Variants in THSD7B observed in about 807,000 individuals in gnomAD.
The protein encoded by THSD7B is thrombospondin type-1 domain-containing protein 7B.
In THSD7B, 138 loss-of-function variants were observed where a neutral mutation model predicts 213.6. The ratio of observed to expected loss-of-function variants is 0.65; its 90% confidence interval spans 0.56 to 0.74. THSD7B has a LOEUF of 0.74. Ranked by LOEUF, THSD7B falls within the 30% of genes least tolerant of loss-of-function variation. The pLI, the probability that THSD7B is intolerant of heterozygous loss-of-function variation, is 0.00. For synonymous variants in THSD7B, 742 were observed against 687.0 expected, an observed-to-expected ratio of 1.08 and a Z score of -1.25; for missense variants, 1,931 against 1,991.5, an observed-to-expected ratio of 0.97 and a Z score of 0.58.
At chr2:137,065,714 C>T (rs1205599723) in intron 3 of THSD7B, among the ~76,000 whole-genome samples, 2 of 151,810 alleles carry the variant, frequency 1.3e-5, no homozygotes, top group Non-Finnish European at 1.5e-5. Context: ...ATATCTTAAA[C>T]ATTTTTTATG....
rs1316443568 is a variant in THSD7B, at chr2:137,488,003, T to G, written c.3138+36980T>G. 2.3e-4 allele frequency among the ~76,000 whole-genome samples: 3 copies of G among 12,886 alleles called. 1 individual carries two copies. The highest frequency in any genetic ancestry group is 4.7e-4 in the African/African-American group (3 of 6,392). 8.5% of individuals were successfully genotyped at this position (12,886 alleles called of 152,430 possible). On this transcript the variant is annotated intron_variant, in intron 15 of 27. Transcript: ENST00000409968. The stretch of plus-strand genomic sequence containing the variant: ...TGGTCTCGATCTCCTGACCTCGTGA[T>G]CCGCCCGCCTCGGCCTCCCAAAGTG...
intron 10 of THSD7B, among the ~76,000 whole-genome samples, chr2:137,263,618 T>C (rs983924058): frequency 2.8e-4 from 43 of 152,320 alleles, no homozygotes; most frequent in Admixed American, 9.8e-4. Flanking sequence ...ATCCTGAAGC[T>C]TATTTTTAAC....
intron 5 of THSD7B, among the ~76,000 whole-genome samples, chr2:137,144,311 A>G (rs1679648598): frequency 1.3e-5 from 2 of 152,120 alleles, no homozygotes; most frequent in African/African-American, 4.8e-5. Flanking sequence ...TCAAATATAC[A>G]TCAAATTGTT....
At chr2:137,622,758 A>G (rs892557684) in intron 20 of THSD7B, among the ~76,000 whole-genome samples, 2 of 152,128 alleles carry the variant, frequency 1.3e-5, no homozygotes, top group Non-Finnish European at 2.9e-5. Context: ...GGATACATAC[A>G]CCCTCCCAAA....
At chr2:137,650,425 T>C (rs1008312792) in intron 21 of THSD7B, among the ~76,000 whole-genome samples, 1 of 152,214 alleles carries the variant, frequency 6.6e-6, no homozygotes, top group Non-Finnish European at 1.5e-5. Context: ...TTCTGTATGT[T>C]GATTTTATGT....
At chr2:137,113,585 T>C (rs879769574) in intron 4 of THSD7B, among the ~76,000 whole-genome samples, 1 of 152,122 alleles carries the variant, frequency 6.6e-6, no homozygotes, top group Middle Eastern at 3.4e-3. Context: ...TACAGGCATG[T>C]GCCACCACAT....
chr2:137,170,936 G>A lies in THSD7B; in HGVS notation c.1721G>A (p.Arg574His), dbSNP rs140794876. The change falls in exon 7 of 28, where the codon CGC becomes CAC. Residue 574 changes from arginine (R) to histidine (H), a missense_variant and splice_region_variant. By Grantham distance (29) the Arg-to-His change is conservative. Coordinates refer to ENST00000409968, the MANE Select transcript of THSD7B (RefSeq NM_001316349.2). ...CTGAAGGCCGTCTGCCAGAATGACCGCGGTATGACCCAGTGACCCACTAGA... is the reference window on the plus strand; with the variant it reads ...CTGAAGGCCGTCTGCCAGAATGACCACGGTATGACCCAGTGACCCACTAGA... Reference protein sequence around the residue: ...RILKAVCQNDRGEDVSGSLCP... With the variant: ...RILKAVCQNDHGEDVSGSLCP... The A allele has an allele frequency of 1.2e-3, 1,882 of 1,612,062 alleles. 9 individuals carry two copies. Among genetic ancestry groups the A allele is most frequent in the African/African-American group, 6.7e-3 (504 of 74,970 alleles).
chr2:136,984,249 T>C (rs1685633638), intron 2 of THSD7B, among the ~76,000 whole-genome samples: 2 of 152,180 alleles, frequency 1.3e-5, no homozygotes, highest in Non-Finnish European at 2.9e-5. Flanking sequence ...TGATATGGTC[T>C]GGATGTTTGT....
At chr2:137,136,762 G>A in intron 5 of THSD7B, among the ~76,000 whole-genome samples, 1 of 152,060 alleles carries the variant, frequency 6.6e-6, no homozygotes, top group Middle Eastern at 3.2e-3. Flanking sequence ...TTTTCTGATT[G>A]CCTTTTTATG....
At chr2:137,309,642 G>T (rs1018010367) in intron 12 of THSD7B, among the ~76,000 whole-genome samples, 1 of 152,040 alleles carries the variant, frequency 6.6e-6, no homozygotes, top group Non-Finnish European at 1.5e-5. Flanking sequence ...ATCTCCCAAT[G>T]CTATCCCTAC....
At chr2:137,399,138 G>A (rs1170004319) in intron 12 of THSD7B, among the ~76,000 whole-genome samples, 16 of 151,488 alleles carry the variant, frequency 1.1e-4, no homozygotes, top group Middle Eastern at 3.2e-3. Flanking sequence ...CGTCACTCTC[G>A]CTGGGAGCTG....
intron 2 of THSD7B, among the ~76,000 whole-genome samples, chr2:137,054,840 TG>T (rs1273462611): frequency 6.6e-6 from 1 of 152,064 alleles, no homozygotes; most frequent in Non-Finnish European, 1.5e-5. Flanking sequence ...GGTATACATG[TG>T]CCATGGTGGT....
chr2:136,927,944 G>A (rs1222487526), intron 2 of THSD7B, among the ~76,000 whole-genome samples: 2 of 152,202 alleles, frequency 1.3e-5, no homozygotes, highest in Non-Finnish European at 2.9e-5. Flanking sequence ...AGGTTTGGAA[G>A]TCAGGAGGGA....
intron 10 of THSD7B, 71 bp downstream of exon 10, chr2:137,242,643 A>C (rs1235614941): frequency 5.2e-6 from 6 of 1,145,390 alleles, no homozygotes; most frequent in African/African-American, 1.6e-5. Flanking sequence ...AGTAAGTGAG[A>C]GGTTGTGGAA....
At chr2:137,531,934 C>G (rs1445058766) in intron 15 of THSD7B, among the ~76,000 whole-genome samples, 1 of 151,874 alleles carries the variant, frequency 6.6e-6, no homozygotes, top group Non-Finnish European at 1.5e-5. Context: ...GGAATGAGCA[C>G]AAGTCTGGGG....
At chr2:137,191,545 C>T (rs1401831584) in intron 7 of THSD7B, among the ~76,000 whole-genome samples, 1 of 151,906 alleles carries the variant, frequency 6.6e-6, no homozygotes, top group African/African-American at 2.4e-5. Flanking sequence ...TTTTAGTAAG[C>T]TGCATGAGGT....
At chr2:136,798,668 A>G (rs1384349176) in intron 1 of THSD7B, among the ~76,000 whole-genome samples, 1 of 151,946 alleles carries the variant, frequency 6.6e-6, no homozygotes, top group African/African-American at 2.4e-5. Context: ...AAAACAAAGC[A>G]ACCACCTCCA....
intron 2 of THSD7B, among the ~76,000 whole-genome samples, chr2:136,948,276 G>A (rs187041255): frequency 1.3e-5 from 2 of 152,174 alleles, no homozygotes; most frequent in African/African-American, 4.8e-5. Context: ...GACTCTCATT[G>A]TCTATGGAAA....
At chr2:137,447,492 A>G (rs1687564567) in intron 14 of THSD7B, among the ~76,000 whole-genome samples, 1 of 152,164 alleles carries the variant, frequency 6.6e-6, no homozygotes, top group Non-Finnish European at 1.5e-5. Context: ...GTTTCTCTAT[A>G]AAATGAAGTA....
Sources: gnomAD v4.1 joint callset for allele counts (sites outside exome capture counted in the v4.1 genomes callset) on GRCh38, gnomAD v4.1.1 for gene constraint, MANE v1.5 for transcripts, NCBI Gene and HGNC (gene_info 2026-07-23, HGNC 2026-07-21) for gene names.